Variants in SLIT2 observed in about 807,000 individuals in gnomAD.
SLIT2 encodes the protein slit guidance ligand 2.
A neutral mutation model predicts 185.7 loss-of-function variants in SLIT2; 41 were observed. That is an observed-to-expected ratio of 0.22 (90% CI 0.17 to 0.29). SLIT2 has a LOEUF of 0.29. Ranked by LOEUF, SLIT2 falls within the 10% of genes least tolerant of loss-of-function variation. SLIT2 has a pLI of 1.00. For synonymous variants in SLIT2, 693 were observed against 680.2 expected (o/e 1.02, Z -0.29); for missense variants, 1,571 against 1,909.0 (o/e 0.82, Z 3.30).
intron 4 of SLIT2, among the ~76,000 whole-genome samples, chr4:20,376,566 A>T (rs952441251): frequency 6.6e-6 from 1 of 152,020 alleles, no homozygotes; most frequent in Admixed American, 6.6e-5. Flanking sequence ...TATTTGCATG[A>T]TGGTTAAAAA....
intron 9 of SLIT2, among the ~76,000 whole-genome samples, chr4:20,504,811 G>A (rs1399807080): frequency 6.6e-6 from 1 of 152,030 alleles, no homozygotes; most frequent in East Asian, 1.9e-4. Flanking sequence ...GTTACCCATG[G>A]TCAACCTCAG....
intron 34 of SLIT2, chr4:20,616,265 T>C (rs1357124448): frequency 6.6e-6 from 1 of 152,196 alleles, no homozygotes; most frequent in Non-Finnish European, 1.5e-5. Flanking sequence ...AATTAGTTGC[T>C]AACTTCGAAT....
At chr4:20,559,247 C>A (rs1724502349) in intron 26 of SLIT2, among the ~76,000 whole-genome samples, 1 of 151,974 alleles carries the variant, frequency 6.6e-6, no homozygotes, top group African/African-American at 2.4e-5. Context: ...ACTATAAGAT[C>A]AATAGATTGC....
At chr4:20,459,799 A>G (rs1438593432) in intron 4 of SLIT2, among the ~76,000 whole-genome samples, 1 of 151,696 alleles carries the variant, frequency 6.6e-6, no homozygotes, top group Admixed American at 6.6e-5. Context: ...CAGGCCTCAA[A>G]CCACAGACTT....
At chr4:20,469,851 G>A (rs1251145565) in intron 5 of SLIT2, among the ~76,000 whole-genome samples, 1 of 150,490 alleles carries the variant, frequency 6.6e-6, no homozygotes, top group Non-Finnish European at 1.5e-5. Flanking sequence ...CACCCCCCGG[G>A]TTCAAGCGAT....
Position 20,518,102 on chromosome 4 carries a change from CAT to C in SLIT2, c.1059-1272_1059-1271del, listed in dbSNP as rs1251356100. On this transcript the variant is annotated intron_variant, in intron 11 of 36. Coordinates refer to ENST00000504154, the MANE Select transcript of SLIT2 (RefSeq NM_004787.4). ...GTGTGTGTATATATATATACACACA[CAT>C]ATATATACATATACATATATATACA... Among the ~76,000 whole-genome samples the C allele has an allele frequency of 8.3e-4, 109 of 130,710 alleles. 1 individual carries two copies. Among genetic ancestry groups the C allele is most frequent in the African/African-American group, 2.4e-3 (88 of 36,846 alleles). 85.8% of individuals were successfully genotyped at this position (130,710 alleles called of 152,430 possible).
At chr4:20,415,202 G>C (rs1727555905) in intron 4 of SLIT2, among the ~76,000 whole-genome samples, 1 of 152,116 alleles carries the variant, frequency 6.6e-6, no homozygotes, top group Non-Finnish European at 1.5e-5. Flanking sequence ...ACGAGGTCAG[G>C]AGACAGAGAC....
At chr4:20,401,384 C>T (rs1560391047) in intron 4 of SLIT2, among the ~76,000 whole-genome samples, 1 of 151,910 alleles carries the variant, frequency 6.6e-6, no homozygotes, top group Non-Finnish European at 1.5e-5. Flanking sequence ...TTGGCTTCTT[C>T]CTTTTTAACT....
intron 4 of SLIT2, among the ~76,000 whole-genome samples, chr4:20,288,604 A>G (rs1715506077): frequency 6.6e-6 from 1 of 152,216 alleles, no homozygotes; most frequent in East Asian, 1.9e-4. Context: ...TAACAATAAG[A>G]CATAAAACAT....
At chr4:20,430,154 T>TAAAAAAAAAAAAAA (rs1381853603) in intron 4 of SLIT2, among the ~76,000 whole-genome samples, 14 of 152,138 alleles carry the variant, frequency 9.2e-5, no homozygotes, top group Non-Finnish European at 5.9e-5. Flanking sequence ...ATACATGTTT[T>TAAAAAAAAAAAAAA]AAAAATTCTT....
In SLIT2 at chr4:20,459,863, AT is replaced by A. The variant is rs200920585; in HGVS notation, c.396-7872del. Among the ~76,000 whole-genome samples the A allele has an allele frequency of 2.3e-3, 320 of 138,840 alleles. 2 individuals carry two copies. Among genetic ancestry groups the A allele is most frequent in the East Asian group, 7.5e-3 (36 of 4,790 alleles). 91.1% of individuals were successfully genotyped at this position (138,840 alleles called of 152,430 possible). ...CATCTTGCAAATTGCCATGTTTGGA[AT>A]TTTTTTTTTTTTTTTTGAGATGGGA... is the stretch of plus-strand genomic sequence containing the variant. On this transcript the variant is annotated intron_variant, in intron 4 of 36. Coordinates refer to ENST00000504154, the MANE Select transcript of SLIT2 (RefSeq NM_004787.4).
intron 4 of SLIT2, among the ~76,000 whole-genome samples, chr4:20,276,417 A>T (rs1483528135): frequency 6.6e-6 from 1 of 152,176 alleles, no homozygotes; most frequent in Admixed American, 6.5e-5. Context: ...AAGAAACTAA[A>T]TCTTAGAGAA....
Position 20,484,857 on chromosome 4 carries a change from A to G in SLIT2, c.540-1343A>G, listed in dbSNP as rs922264847. On this transcript the variant is annotated intron_variant, in intron 6 of 36. Coordinates refer to ENST00000504154, the MANE Select transcript of SLIT2 (RefSeq NM_004787.4). The surrounding 1 kb of genome is among the most constrained non-coding windows in gnomAD (Gnocchi z 4.3). Reference sequence around the variant, plus strand: ...ATTATCTGCCACAAGAGAGACTATCATTGCTAGCTTACCATATTCTTCACA... The same window carrying G: ...ATTATCTGCCACAAGAGAGACTATCGTTGCTAGCTTACCATATTCTTCACA... 9.9e-5 allele frequency among the ~76,000 whole-genome samples: 15 copies of G among 152,114 alleles called. No homozygotes were observed. Among genetic ancestry groups the G allele is most frequent in the African/African-American group, 3.4e-4 (14 of 41,444 alleles).
At chr4:20,421,102 G>A (rs958150678) in intron 4 of SLIT2, among the ~76,000 whole-genome samples, 2 of 152,182 alleles carry the variant, frequency 1.3e-5, no homozygotes, top group Non-Finnish European at 2.9e-5. Context: ...AAAAGAAAAG[G>A]TAATTAGTAG....
intron 10 of SLIT2, among the ~76,000 whole-genome samples, 161 bp downstream of exon 10, chr4:20,510,727 A>T (rs541158436): frequency 6.6e-6 from 1 of 152,298 alleles, no homozygotes; most frequent in Admixed American, 6.5e-5. Context: ...TTTAATCTTA[A>T]TATCTAAACT....
intron 4 of SLIT2, among the ~76,000 whole-genome samples, chr4:20,336,989 T>C (rs1720558989): frequency 6.6e-6 from 1 of 152,236 alleles, no homozygotes; most frequent in African/African-American, 2.4e-5. Flanking sequence ...TTTATACTTT[T>C]CTTCAGGGGT....
intron 11 of SLIT2, 21 bp downstream of exon 11, chr4:20,511,158 T>C (rs747032149): frequency 2.3e-5 from 35 of 1,502,414 alleles, no homozygotes; most frequent in Non-Finnish European, 8.3e-6. Flanking sequence ...ACTGTGTCAC[T>C]GAAGGAAAAG....
chr4:20,517,128 T>C (rs1430318532), intron 11 of SLIT2, among the ~76,000 whole-genome samples: 2 of 152,224 alleles, frequency 1.3e-5, no homozygotes, highest in Admixed American at 6.5e-5. Flanking sequence ...TATACATCTT[T>C]GTTCCTTTCT....
intron 22 of SLIT2, 148 bp downstream of exon 22, chr4:20,546,247 CTGGCTACATCTTCAT>C: frequency 2.0e-6 from 1 of 497,350 alleles, no homozygotes. Context: ...TTCTGGACCC[CTGGCTACATCTTCAT>C]TGAATATCGA....
Sources: gnomAD v4.1 joint callset for allele counts (sites outside exome capture counted in the v4.1 genomes callset) on GRCh38, gnomAD v4.1.1 for gene constraint, Gnocchi (gnomAD v3.1) non-coding constraint, MANE v1.5 for transcripts, NCBI Gene and HGNC (gene_info 2026-07-23, HGNC 2026-07-21) for gene names.